Variants in CMSS1 observed in about 807,000 individuals in gnomAD.
CMSS1 encodes the protein protein CMSS1.
CMSS1 carries 33 observed loss-of-function variants against 43.5 expected under a neutral mutation model. That is an observed-to-expected ratio of 0.76 (90% CI 0.57 to 1.01). The LOEUF (loss-of-function observed/expected upper bound fraction) is 1.01. CMSS1 is among the 50% of genes least tolerant of loss of function. CMSS1 has a pLI of 0.00. For missense variants in CMSS1, 313 were observed against 326.4 expected, an observed-to-expected ratio of 0.96 and a Z score of 0.32; for synonymous variants, 115 against 117.2, an observed-to-expected ratio of 0.98 and a Z score of 0.12.
intron 1 of CMSS1, among the ~76,000 whole-genome samples, chr3:99,819,740 C>T (rs1455792123): frequency 6.6e-6 from 1 of 151,554 alleles, no homozygotes; most frequent in African/African-American, 2.4e-5. Flanking sequence ...GTTTTACCAA[C>T]CAACAGTTTT....
chr3:100,172,128 C>CT, intron 7 of CMSS1, 188 bp from the exon 8 acceptor site: 1 of 644,088 alleles, frequency 1.6e-6, no homozygotes, highest in East Asian at 2.7e-5. Flanking sequence ...AGGCTTGACC[C>CT]TTTGATTCCT....
chr3:100,092,507 G>A (rs1466566298), intron 1 of CMSS1, among the ~76,000 whole-genome samples: 1 of 151,734 alleles, frequency 6.6e-6, no homozygotes, highest in Non-Finnish European at 1.5e-5. Flanking sequence ...GGAAGTTAAG[G>A]TCTAAAGACA....
chr3:99,941,334 A>C (rs1374749064), intron 1 of CMSS1, among the ~76,000 whole-genome samples: 1 of 152,258 alleles, frequency 6.6e-6, no homozygotes, highest in Non-Finnish European at 1.5e-5. Context: ...GAAATACTGT[A>C]AATAATGTTC....
At chr3:99,923,043 C>G (rs115311876) in intron 1 of CMSS1, among the ~76,000 whole-genome samples, 1 of 151,858 alleles carries the variant, frequency 6.6e-6, no homozygotes, top group East Asian at 1.9e-4. Flanking sequence ...AGTCTTTGCT[C>G]ACTTCATTTC....
intron 1 of CMSS1, among the ~76,000 whole-genome samples, chr3:99,841,650 TC>T (rs1180957379): frequency 6.6e-6 from 1 of 151,980 alleles, no homozygotes; most frequent in African/African-American, 2.4e-5. Context: ...ACAGGCGCAA[TC>T]CCATCATAAA....
intron 1 of CMSS1, among the ~76,000 whole-genome samples, chr3:99,822,361 T>C (rs774041688): frequency 2.0e-5 from 3 of 152,240 alleles, no homozygotes; most frequent in South Asian, 2.1e-4. Context: ...TGATGACATC[T>C]CTTCCCAAGC....
chr3:99,907,719 A>G (rs1329513142), intron 1 of CMSS1, among the ~76,000 whole-genome samples: 2 of 152,142 alleles, frequency 1.3e-5, no homozygotes, highest in East Asian at 1.9e-4. Flanking sequence ...AAGTCCACCT[A>G]TAATGATTTT....
intron 1 of CMSS1, among the ~76,000 whole-genome samples, chr3:99,838,292 A>G (rs1034447565): frequency 2.2e-4 from 34 of 152,108 alleles, no homozygotes; most frequent in African/African-American, 8.0e-4. Flanking sequence ...TCTCACATTC[A>G]TTATCTCTTG....
chr3:100,149,913 G>A (rs2066889221), intron 2 of CMSS1, among the ~76,000 whole-genome samples: 1 of 152,020 alleles, frequency 6.6e-6, no homozygotes, highest in African/African-American at 2.4e-5. Context: ...AGGTCTCTTG[G>A]GGCCTTGTGA....
intron 1 of CMSS1, among the ~76,000 whole-genome samples, chr3:100,135,952 A>T (rs767105146): frequency 2.0e-5 from 3 of 152,154 alleles, no homozygotes; most frequent in Admixed American, 1.3e-4. Context: ...AACTTTAAAA[A>T]TTTTGTAAGC....
At chr3:100,127,659 T>G (rs1435933469) in intron 1 of CMSS1, among the ~76,000 whole-genome samples, 2 of 152,174 alleles carry the variant, frequency 1.3e-5, no homozygotes, top group Admixed American at 1.3e-4. Flanking sequence ...ACTTAGAAAC[T>G]TATGGGACCA....
intron 1 of CMSS1, among the ~76,000 whole-genome samples, chr3:99,996,781 G>A (rs1372831485): frequency 6.6e-6 from 1 of 151,890 alleles, no homozygotes; most frequent in Non-Finnish European, 1.5e-5. Flanking sequence ...AGAACAGTAT[G>A]GGGAAAACCG....
intron 1 of CMSS1, among the ~76,000 whole-genome samples, chr3:100,106,807 G>A (rs1028202439): frequency 2.6e-5 from 4 of 152,174 alleles, no homozygotes; most frequent in Non-Finnish European, 4.4e-5. Context: ...CCTGATCCCT[G>A]TAGTATGTTT....
At chr3:100,121,453 G>C (rs970159254) in intron 1 of CMSS1, among the ~76,000 whole-genome samples, 6 of 152,190 alleles carry the variant, frequency 3.9e-5, no homozygotes, top group African/African-American at 1.4e-4. Flanking sequence ...GTATTCCATG[G>C]TGTATATTTG....
chr3:99,888,930 G>A (rs1222157356), intron 1 of CMSS1, among the ~76,000 whole-genome samples: 3 of 152,044 alleles, frequency 2.0e-5, no homozygotes, highest in Non-Finnish European at 4.4e-5. Context: ...ATATTTTTAG[G>A]TAGAGGAAGA....
intron 1 of CMSS1, among the ~76,000 whole-genome samples, chr3:100,087,099 C>T (rs1015181409): frequency 4.6e-5 from 7 of 152,126 alleles, no homozygotes; most frequent in South Asian, 2.1e-4. Flanking sequence ...AATCCAATTA[C>T]GAGTTGAAGG....
At position 100,044,367 on chromosome 3, in the gene CMSS1, C is replaced by CT. The variant is rs575620546; in HGVS notation, c.65-102606_65-102605insT. Among the ~76,000 whole-genome samples the CT allele has an allele frequency of 3.5e-3, 535 of 152,080 alleles. 5 individuals carry two copies. The highest frequency in any genetic ancestry group is 0.012 in the African/African-American group (489 of 41,440). On this transcript the variant is annotated intron_variant, in intron 1 of 9. Transcript: ENST00000421999. ...TTTACATCATAGTATAAAGAAGTAA[C>CT]ACAGGGGTAATCTGTCAAGGGGGGC... is the stretch of plus-strand genomic sequence containing the variant.
intron 1 of CMSS1, among the ~76,000 whole-genome samples, chr3:100,137,022 C>T (rs866944631): frequency 4.6e-5 from 7 of 152,246 alleles, no homozygotes; most frequent in African/African-American, 7.2e-5. Context: ...CATGGCCTTA[C>T]GGCCTTCACA....
chr3:100,071,846 C>T (rs766949542), intron 1 of CMSS1, among the ~76,000 whole-genome samples: 4 of 152,176 alleles, frequency 2.6e-5, no homozygotes, highest in Non-Finnish European at 5.9e-5. Flanking sequence ...GGGCACCCAA[C>T]TTCATTATTT....
Sources: gnomAD v4.1 joint callset for allele counts (sites outside exome capture counted in the v4.1 genomes callset) on GRCh38, gnomAD v4.1.1 for gene constraint, MANE v1.5 for transcripts, NCBI Gene and HGNC (gene_info 2026-07-23, HGNC 2026-07-21) for gene names.